The following CREM variants were observed in gnomAD, a reference collection of about 807,000 sequenced individuals.
CREM encodes the protein cAMP responsive element modulator, also known as cAMP-responsive element modulator.
A neutral mutation model predicts 37.3 loss-of-function variants in CREM; 13 were observed. The ratio of observed to expected loss-of-function variants is 0.35; its 90% CI spans 0.23 to 0.55. The LOEUF (loss-of-function observed/expected upper bound fraction) is 0.55. Among genes scored for constraint, CREM ranks in the 20% least tolerant of loss-of-function variants. The pLI, the probability that CREM is intolerant of heterozygous loss-of-function variation, is 0.88. For missense variants in CREM, 296 were observed against 362.3 expected, an observed-to-expected ratio of 0.82 and a Z score of 1.49; for synonymous variants, 124 against 120.2, an observed-to-expected ratio of 1.03 and a Z score of -0.21.
At chr10:35,172,658 T>A (rs1031190562) in intron 3 of CREM, among the ~76,000 whole-genome samples, 7 of 152,210 alleles carry the variant, frequency 4.6e-5, no homozygotes, top group African/African-American at 1.7e-4. Flanking sequence ...TGACTCTGAG[T>A]ACATGCTGTT....
At chr10:35,183,264 GA>G (rs1297584250) in intron 5 of CREM, among the ~76,000 whole-genome samples, 2 of 152,064 alleles carry the variant, frequency 1.3e-5, no homozygotes, top group Non-Finnish European at 2.9e-5. Context: ...ATTATGAAAA[GA>G]AAAATATGAA....
chr10:35,135,033 G>A (rs143897298), intron 1 of CREM, among the ~76,000 whole-genome samples: 4,042 of 149,046 alleles, frequency 0.027, 177 homozygotes, highest in African/African-American at 0.091. Context: ...GCAAGACTCA[G>A]TCTCAAAAAA....
intron 1 of CREM, among the ~76,000 whole-genome samples, chr10:35,129,977 G>A (rs1400792625): frequency 2.0e-5 from 3 of 151,942 alleles, no homozygotes; most frequent in Admixed American, 1.3e-4. Flanking sequence ...CAGGCGGATC[G>A]CCTGAGGTCA....
At chr10:35,141,879 G>A (rs1208565290) in intron 2 of CREM, among the ~76,000 whole-genome samples, 5 of 152,216 alleles carry the variant, frequency 3.3e-5, no homozygotes, top group Non-Finnish European at 5.9e-5. Context: ...CAGCGAATCA[G>A]ATGAGAAGAG....
At position 35,207,006 on chromosome 10, in the gene CREM, C is replaced by T. The variant is rs2078147076; in HGVS notation, c.710C>T (p.Ala237Val). The change falls in exon 7 of 8, where the codon GCA becomes GTA. Residue 237 changes from alanine to valine, a missense_variant. By Grantham distance (64) the Ala-to-Val change is moderately conservative. Around this residue, in one of 2 missense-constraint regions of CREM, gnomAD observed 39 missense variants for 82.0 expected, o/e 0.48. Coordinates refer to ENST00000685392, the MANE Select transcript of CREM (RefSeq NM_183011.2). ...AGTTTGCACAGTCCCCAGCAGCTGG[C>T]AGAAGAAGCAACACGCAAACGAGAG... ...PGSLHSPQQL[A>V]EEATRKRELR... The T allele has an allele frequency of 1.2e-6, 2 of 1,613,964 alleles. No homozygotes were observed. Among genetic ancestry groups the T allele is most frequent in the South Asian group, 2.2e-5 (2 of 91,062 alleles).
intron 2 of CREM, among the ~76,000 whole-genome samples, chr10:35,144,722 T>G (rs2091862703): frequency 6.7e-6 from 1 of 149,160 alleles, no homozygotes; most frequent in Non-Finnish European, 1.5e-5. Flanking sequence ...ATAGTTTATC[T>G]TTTTAATCAT....
At chr10:35,153,218 G>A (rs924485714) in intron 3 of CREM, among the ~76,000 whole-genome samples, 5 of 152,014 alleles carry the variant, frequency 3.3e-5, no homozygotes, top group African/African-American at 1.2e-4. Flanking sequence ...AATAACCACT[G>A]CACTCCAGCC....
At chr10:35,197,843 A>C (rs961288121) in intron 6 of CREM, among the ~76,000 whole-genome samples, 1 of 151,974 alleles carries the variant, frequency 6.6e-6, no homozygotes, top group African/African-American at 2.4e-5. Context: ...TAGGAACCAG[A>C]CCTCTGGGCT....
chr10:35,134,048 G>GTT (rs1454490231), intron 1 of CREM, among the ~76,000 whole-genome samples: 38 of 141,654 alleles, frequency 2.7e-4, no homozygotes, highest in African/African-American at 6.1e-4. Context: ...GCAGGTAAAA[G>GTT]TTTTTTGTTT....
rs1335713290 is a variant in CREM, at chr10:35,126,996, G to C, written c.-252G>C. The C allele has an allele frequency of 6.6e-6, 1 of 152,566 alleles. No homozygotes were observed. Among genetic ancestry groups the C allele is most frequent in the African/African-American group, 2.4e-5 (1 of 41,460 alleles). 9.5% of individuals were successfully genotyped at this position (152,566 alleles called of 1,614,324 possible). A position where few individuals can be genotyped will look rare whatever the true frequency, so the allele number is the denominator to read the frequency against. On this transcript the variant is annotated 5_prime_UTR_variant, in exon 1 of 8. Transcript: ENST00000685392. ...GGAGGACGCGGTTCGGTCGGCTGCA[G>C]CGCTACTTTTGGTCCGGGGTCGGCA...
intron 3 of CREM, among the ~76,000 whole-genome samples, chr10:35,176,202 T>C (rs566897305): frequency 6.6e-6 from 1 of 152,320 alleles, no homozygotes; most frequent in Admixed American, 6.5e-5. Flanking sequence ...TGCAGCTTTG[T>C]TGCCAACTTT....
intron 2 of CREM, among the ~76,000 whole-genome samples, chr10:35,138,175 G>A (rs1420931825): frequency 6.6e-6 from 1 of 152,216 alleles, no homozygotes; most frequent in Non-Finnish European, 1.5e-5. Flanking sequence ...AGAATTCGAA[G>A]AATCCCCAGG....
chr10:35,160,700 C>T (rs539535678), intron 3 of CREM, among the ~76,000 whole-genome samples: 1 of 152,124 alleles, frequency 6.6e-6, no homozygotes, highest in African/African-American at 2.4e-5. Context: ...TGTAATAACA[C>T]TTAGCTTAAA....
chr10:35,201,766 T>C (rs182147199), intron 6 of CREM, among the ~76,000 whole-genome samples: 1,634 of 152,324 alleles, frequency 0.011, 12 homozygotes, highest in Non-Finnish European at 0.018. Context: ...TAAGAAATAA[T>C]GCCTTTTATC....
intron 6 of CREM, among the ~76,000 whole-genome samples, chr10:35,192,177 A>C (rs1483270963): frequency 2.0e-5 from 3 of 152,158 alleles, no homozygotes; most frequent in Non-Finnish European, 4.4e-5. Flanking sequence ...CCTCCTAATC[A>C]TGCCAGAGGC....
chr10:35,183,279 T>C (rs2094428929), intron 5 of CREM, among the ~76,000 whole-genome samples: 1 of 152,144 alleles, frequency 6.6e-6, no homozygotes, highest in Admixed American at 6.5e-5. Context: ...ATATGAACTT[T>C]GTGGACTCCT....
intron 5 of CREM, among the ~76,000 whole-genome samples, chr10:35,187,248 CAT>C (rs1316009190): frequency 9.4e-6 from 1 of 106,472 alleles, no homozygotes; most frequent in Non-Finnish European, 1.8e-5. Flanking sequence ...TTATATATAA[CAT>C]ATATAATTAT....
intron 3 of CREM, among the ~76,000 whole-genome samples, chr10:35,177,594 C>T (rs1270279482): frequency 4.6e-5 from 7 of 152,076 alleles, no homozygotes; most frequent in African/African-American, 1.2e-4. Context: ...CCACAGCACC[C>T]GGCTGAAAGA....
intron 6 of CREM, among the ~76,000 whole-genome samples, chr10:35,197,129 A>G (rs1362825310): frequency 1.3e-5 from 2 of 151,834 alleles, no homozygotes; most frequent in African/African-American, 4.8e-5. Context: ...TATACTTTTA[A>G]CCACTACATA....
Sources: allele counts gnomAD v4.1 joint callset (sites outside exome capture counted in the v4.1 genomes callset), GRCh38; gene constraint gnomAD v4.1.1; regional missense constraint gnomAD v4.1.1; transcripts MANE v1.5; gene names NCBI Gene and HGNC (gene_info 2026-07-23, HGNC 2026-07-21).